CCDC149: variants seen among roughly 807,000 people sequenced by gnomAD.
CCDC149 encodes coiled-coil domain-containing protein 149.
Under a neutral mutation model 59.9 loss-of-function variants are expected in CCDC149, and 45 were observed. That is an observed-to-expected ratio of 0.75 (90% CI 0.59 to 0.96). The LOEUF (loss-of-function observed/expected upper bound fraction) is 0.96, where lower values mean the gene tolerates loss of function less well. CCDC149 is among the 40% of genes least tolerant of loss of function. The pLI, the probability that CCDC149 is intolerant of heterozygous loss-of-function variation, is 0.00. For synonymous variants in CCDC149, 245 were observed against 260.6 expected, an observed-to-expected ratio of 0.94 and a Z score of 0.58; for missense variants, 584 against 664.7, an observed-to-expected ratio of 0.88 and a Z score of 1.33.
intron 1 of CCDC149, among the ~76,000 whole-genome samples, chr4:24,909,058 C>G (rs187172947): frequency 6.6e-6 from 1 of 152,158 alleles, no homozygotes; most frequent in Non-Finnish European, 1.5e-5. Flanking sequence ...TTCTTTCACA[C>G]GCATGGGTGT....
chr4:24,836,705 T>A (rs1216156322), intron 6 of CCDC149, among the ~76,000 whole-genome samples, 197 bp from the exon 7 acceptor site: 2 of 152,212 alleles, frequency 1.3e-5, no homozygotes, highest in Admixed American at 6.5e-5. Flanking sequence ...AGGTCAAACA[T>A]GCCCAAATCA....
downstream of CCDC149, among the ~76,000 whole-genome samples, chr4:24,805,841 AC>A (rs1714127170): frequency 6.6e-6 from 1 of 152,308 alleles, no homozygotes; most frequent in African/African-American, 2.4e-5. Flanking sequence ...TGTTGCAGCC[AC>A]CTCGTTATCA....
intron 3 of CCDC149, among the ~76,000 whole-genome samples, chr4:24,855,024 T>C (rs16876229): frequency 0.036 from 5,553 of 152,300 alleles, 331 homozygotes; most frequent in African/African-American, 0.13. Flanking sequence ...ATTTACTTCA[T>C]GGTTCATTGC....
At chr4:24,873,550 T>C (rs1577435191) in intron 3 of CCDC149, 131 bp downstream of exon 3, 2 of 716,536 alleles carry the variant, frequency 2.8e-6, no homozygotes, top group East Asian at 2.6e-5. Context: ...TTGGAATCTC[T>C]ACCTACTCCT....
At chr4:24,869,622 G>T (rs1718906213) in intron 3 of CCDC149, among the ~76,000 whole-genome samples, 1 of 152,198 alleles carries the variant, frequency 6.6e-6, no homozygotes, top group Non-Finnish European at 1.5e-5. Flanking sequence ...GGAGCAGCAG[G>T]CGAGAAACAT....
intron 3 of CCDC149, among the ~76,000 whole-genome samples, chr4:24,869,373 TG>T (rs1292683025): frequency 1.3e-5 from 2 of 152,208 alleles, no homozygotes; most frequent in Non-Finnish European, 2.9e-5. Flanking sequence ...CCTGGGCTCC[TG>T]GGCCCTGCTG....
chr4:24,931,079 A>G (rs1722572400), intron 1 of CCDC149, among the ~76,000 whole-genome samples: 1 of 151,976 alleles, frequency 6.6e-6, no homozygotes, highest in South Asian at 2.1e-4. Context: ...ACAGTGATGT[A>G]ACCCTAGCTT....
At chr4:24,836,707 C>T (rs1208146122) in intron 6 of CCDC149, among the ~76,000 whole-genome samples, 199 bp from the exon 7 acceptor site, 1 of 152,196 alleles carries the variant, frequency 6.6e-6, no homozygotes, top group Non-Finnish European at 1.5e-5. Context: ...GTCAAACATG[C>T]CCAAATCACA....
At chr4:24,865,160 G>C (rs1315743013) in intron 3 of CCDC149, among the ~76,000 whole-genome samples, 1 of 152,166 alleles carries the variant, frequency 6.6e-6, no homozygotes, top group African/African-American at 2.4e-5. Context: ...AGACAGACAT[G>C]CAAGCCCTTG....
intron 1 of CCDC149, among the ~76,000 whole-genome samples, chr4:24,904,878 A>G (rs1721379312): frequency 6.6e-6 from 1 of 151,736 alleles, no homozygotes; most frequent in South Asian, 2.1e-4. Context: ...AAAAATTCAG[A>G]TTGTTTCTTT....
intron 1 of CCDC149, among the ~76,000 whole-genome samples, chr4:24,929,930 C>T (rs1029550405): frequency 3.3e-5 from 5 of 152,164 alleles, no homozygotes; most frequent in Non-Finnish European, 5.9e-5. Flanking sequence ...AATGCAGGTG[C>T]TCAACAAATG....
At chr4:24,914,835 G>A (rs1360342825), upstream of CCDC149, among the ~76,000 whole-genome samples, 1 of 152,206 alleles carries the variant, frequency 6.6e-6, no homozygotes, top group Non-Finnish European at 1.5e-5. Flanking sequence ...AAAAGCAATA[G>A]TCCCTGGCAT....
intron 1 of CCDC149, among the ~76,000 whole-genome samples, chr4:24,953,498 T>C (rs550907247): frequency 6.6e-6 from 1 of 152,212 alleles, no homozygotes; most frequent in African/African-American, 2.4e-5. Context: ...AAAAGGCACA[T>C]GCTCAGAAAA....
chr4:24,973,275 C>G (rs1225212096), intron 1 of CCDC149, among the ~76,000 whole-genome samples: 6 of 152,210 alleles, frequency 3.9e-5, no homozygotes, highest in African/African-American at 1.4e-4. Flanking sequence ...CTCAGCACCT[C>G]TTGGGACTGT....
intron 12 of CCDC149, among the ~76,000 whole-genome samples, chr4:24,816,013 G>C (rs1396261412): frequency 6.6e-6 from 1 of 152,046 alleles, no homozygotes; most frequent in African/African-American, 2.4e-5. Flanking sequence ...CCAGGGTCTA[G>C]GACAGGACTG....
chr4:24,840,598 C>T (rs867081578), intron 4 of CCDC149, among the ~76,000 whole-genome samples: 2 of 152,006 alleles, frequency 1.3e-5, no homozygotes, highest in Admixed American at 6.6e-5. Context: ...ATCTAGTGAG[C>T]GTCCCACATT....
At chr4:24,871,168 G>T (rs779899095) in intron 3 of CCDC149, among the ~76,000 whole-genome samples, 10 of 151,874 alleles carry the variant, frequency 6.6e-5, no homozygotes, top group Non-Finnish European at 1.3e-4. Flanking sequence ...AGAAAGGAAG[G>T]GAGCGTATAA....
At chr4:24,879,191 A>T (rs1401177567) in intron 1 of CCDC149, among the ~76,000 whole-genome samples, 2 of 152,128 alleles carry the variant, frequency 1.3e-5, no homozygotes, top group African/African-American at 4.8e-5. Context: ...ACCCTGGCAC[A>T]AGTCTTTGGC....
chr4:24,963,982 C>A (rs891290714), intron 1 of CCDC149, among the ~76,000 whole-genome samples: 6 of 152,068 alleles, frequency 3.9e-5, no homozygotes, highest in African/African-American at 1.4e-4. Context: ...ATGGCTTGAG[C>A]CTAGGAGTTC....
Sources: allele counts gnomAD v4.1 joint callset (sites outside exome capture counted in the v4.1 genomes callset), GRCh38; gene constraint gnomAD v4.1.1; transcripts MANE v1.5; gene names NCBI Gene and HGNC (gene_info 2026-07-23, HGNC 2026-07-21).